The following RANBP17 variants were observed in gnomAD, a reference collection of about 807,000 sequenced individuals.
RANBP17 encodes ran-binding protein 17.
RANBP17 carries 158 observed loss-of-function variants against 141.2 expected under a neutral mutation model. The observed-to-expected ratio is 1.12, with a 90% CI of 0.98 to 1.28. The LOEUF (loss-of-function observed/expected upper bound fraction) is 1.28. Among genes scored for constraint, RANBP17 ranks in the 50% most tolerant of loss-of-function variants. The pLI, the probability that RANBP17 is intolerant of heterozygous loss-of-function variation, is 0.00. For synonymous variants in RANBP17, 430 were observed against 450.0 expected (o/e 0.96, Z 0.56); for missense variants, 1,438 against 1,290.7 (o/e 1.11, Z -1.75).
At chr5:171,088,354 C>T (rs532979786) in intron 14 of RANBP17, among the ~76,000 whole-genome samples, 1 of 152,106 alleles carries the variant, frequency 6.6e-6, no homozygotes, top group Non-Finnish European at 1.5e-5. Context: ...GTGGGCTTCC[C>T]TTTGTAAGTA....
rs573442014 is a variant in RANBP17, at chr5:171,047,000, T to C, written c.1710+78623T>C. 1.5e-4 allele frequency among the ~76,000 whole-genome samples: 22 copies of C among 149,964 alleles called. No individual in the cohort carries two copies. The South Asian group carries it at 4.4e-3, about 30-fold the overall frequency. ...AATGGGATTGTAGGGCATCTCATTG[T>C]AGTTTTATTTTGCCTTTTTTTTTTT... On this transcript the variant is annotated intron_variant, in intron 14 of 27. Coordinates refer to ENST00000523189, the MANE Select transcript of RANBP17 (RefSeq NM_022897.5).
chr5:170,991,876 T>C (rs1269638119), intron 14 of RANBP17, among the ~76,000 whole-genome samples: 1 of 152,002 alleles, frequency 6.6e-6, no homozygotes, highest in Non-Finnish European at 1.5e-5. Flanking sequence ...TTTGAAAGAA[T>C]TATGTGTAAT....
intron 27 of RANBP17, among the ~76,000 whole-genome samples, chr5:171,297,390 C>G (rs752272794): frequency 2.1e-4 from 32 of 151,416 alleles, no homozygotes; most frequent in Non-Finnish European, 4.4e-4. Flanking sequence ...GTTCAGGGGG[C>G]GAAAAAAAAG....
At chr5:171,245,520 G>C (rs1041717588) in intron 24 of RANBP17, among the ~76,000 whole-genome samples, 1 of 152,016 alleles carries the variant, frequency 6.6e-6, no homozygotes, top group Non-Finnish European at 1.5e-5. Context: ...CTCCATGTTG[G>C]TCAGGCTGGT....
At chr5:171,129,293 C>G (rs539480865) in intron 14 of RANBP17, among the ~76,000 whole-genome samples, 1 of 113,138 alleles carries the variant, frequency 8.8e-6, no homozygotes, top group South Asian at 2.8e-4. Context: ...CAATTTATAG[C>G]AATTCTTTTA....
intron 14 of RANBP17, among the ~76,000 whole-genome samples, chr5:171,126,868 C>CT (rs1235720975): frequency 1.3e-5 from 2 of 152,146 alleles, no homozygotes; most frequent in Non-Finnish European, 2.9e-5. Flanking sequence ...GACTGCATGG[C>CT]TTTAGTACTG....
At chr5:171,115,851 G>A (rs1458387826) in intron 14 of RANBP17, among the ~76,000 whole-genome samples, 1 of 152,190 alleles carries the variant, frequency 6.6e-6, no homozygotes, top group Non-Finnish European at 1.5e-5. Context: ...TTATTCTAAT[G>A]AAGTATGAAC....
At chr5:171,093,935 T>G (rs1049544397) in intron 14 of RANBP17, among the ~76,000 whole-genome samples, 5 of 151,972 alleles carry the variant, frequency 3.3e-5, no homozygotes, top group African/African-American at 1.2e-4. Context: ...CCTGGTAAGT[T>G]GCCCCATAAA....
In RANBP17 at chr5:171,102,262, C is replaced by A. The variant is rs577601784; in HGVS notation, c.1711-67868C>A. Among the ~76,000 whole-genome samples, 12 of 152,232 alleles carry A rather than the reference C, an allele frequency of 7.9e-5. No homozygotes were observed. The East Asian group carries it at 1.9e-3, about 25-fold the overall frequency. ...TGTAGGTTTGGTCTTTTCACATAGTCCCATATTTCTTGGAGGCTTTGTTCA... is the reference window on the plus strand; with the variant it reads ...TGTAGGTTTGGTCTTTTCACATAGTACCATATTTCTTGGAGGCTTTGTTCA... On this transcript the variant is annotated intron_variant, in intron 14 of 27. Transcript: ENST00000523189.
chr5:170,898,339 G>T (rs933956592), intron 5 of RANBP17, among the ~76,000 whole-genome samples: 1 of 152,094 alleles, frequency 6.6e-6, no homozygotes, highest in South Asian at 2.1e-4. Flanking sequence ...CTTTTCAGAA[G>T]TGTCTGTTCA....
intron 14 of RANBP17, among the ~76,000 whole-genome samples, chr5:170,994,087 G>A (rs975694097): frequency 1.3e-5 from 2 of 151,904 alleles, no homozygotes; most frequent in Admixed American, 1.3e-4. Flanking sequence ...GCAAAATACA[G>A]TCTGGGAAAT....
intron 18 of RANBP17, among the ~76,000 whole-genome samples, chr5:171,187,851 G>T (rs1252129157): frequency 6.6e-6 from 1 of 152,106 alleles, no homozygotes; most frequent in Non-Finnish European, 1.5e-5. Context: ...TCAGTCAGTG[G>T]CAATATCATC....
chr5:171,040,746 TA>T (rs1185435774), intron 14 of RANBP17, among the ~76,000 whole-genome samples: 2 of 152,160 alleles, frequency 1.3e-5, no homozygotes, highest in Non-Finnish European at 2.9e-5. Context: ...GTTAAAAATG[TA>T]AAAAGTTAAC....
intron 14 of RANBP17, among the ~76,000 whole-genome samples, chr5:171,082,218 T>C (rs191783577): frequency 2.2e-3 from 337 of 152,098 alleles, no homozygotes; most frequent in African/African-American, 7.9e-3. Flanking sequence ...TTCATTAAAA[T>C]ACACACACAC....
intron 14 of RANBP17, among the ~76,000 whole-genome samples, chr5:171,014,408 C>A (rs868369311): frequency 2.6e-5 from 4 of 151,886 alleles, no homozygotes; most frequent in African/African-American, 9.7e-5. Flanking sequence ...TTCTTTGGAT[C>A]GAACATTTAG....
Position 171,084,108 on chromosome 5 carries a change from C to A in RANBP17, c.1711-86022C>A, listed in dbSNP as rs1187917617. On this transcript the variant is annotated intron_variant, in intron 14 of 27. Coordinates refer to ENST00000523189, the MANE Select transcript of RANBP17 (RefSeq NM_022897.5). ...GTATATCTCCCAATGCTATCCCTCC[C>A]CCCTCCCCCGACCCCACCACAGTCC... Among the ~76,000 whole-genome samples the A allele has an allele frequency of 2.4e-5, 3 of 125,030 alleles. No individual in the cohort carries two copies. The South Asian group carries it at 9.8e-4, about 41-fold the overall frequency. The allele number at this position is 125,030 out of a possible 152,430, so 82.0% of individuals were successfully genotyped here.
At chr5:171,067,628 T>C (rs1208361090) in intron 14 of RANBP17, among the ~76,000 whole-genome samples, 14 of 152,240 alleles carry the variant, frequency 9.2e-5, no homozygotes, top group East Asian at 1.9e-4. Flanking sequence ...TCTTAATTTT[T>C]CCTTTATTTT....
chr5:171,056,390 G>A (rs1454443231), intron 14 of RANBP17, among the ~76,000 whole-genome samples: 3 of 151,726 alleles, frequency 2.0e-5, no homozygotes, highest in East Asian at 1.9e-4. Flanking sequence ...CATGTCTTAG[G>A]GCAGCCACAG....
intron 14 of RANBP17, among the ~76,000 whole-genome samples, chr5:171,164,247 A>T (rs1474604328): frequency 1.3e-5 from 2 of 152,160 alleles, no homozygotes; most frequent in Non-Finnish European, 2.9e-5. Context: ...AGATTGACAT[A>T]ATTAGTTTCC....
Sources: allele counts gnomAD v4.1 joint callset (sites outside exome capture counted in the v4.1 genomes callset), GRCh38; gene constraint gnomAD v4.1.1; transcripts MANE v1.5; gene names NCBI Gene and HGNC (gene_info 2026-07-23, HGNC 2026-07-21).